SRP19: variants seen among roughly 807,000 people sequenced by gnomAD.
The protein encoded by SRP19 is signal recognition particle 19.
Under a neutral mutation model 22.4 loss-of-function variants are expected in SRP19, and 11 were observed. That is an observed-to-expected ratio of 0.49 (90% CI 0.31 to 0.81). SRP19 has a LOEUF of 0.81. Among genes scored for constraint, SRP19 ranks in the 40% least tolerant of loss-of-function variants. The probability of loss-of-function intolerance (pLI) is 0.05; values close to 1 mark genes in which losing one functional copy is unlikely to be tolerated. For synonymous variants in SRP19, 61 were observed against 57.6 expected, an observed-to-expected ratio of 1.06 and a Z score of -0.27; for missense variants, 168 against 175.9, an observed-to-expected ratio of 0.96 and a Z score of 0.25.
At chr5:112,862,452 T>G in intron 1 of SRP19, 56 bp from the exon 2 acceptor site, 1 of 1,536,444 alleles carries the variant, frequency 6.5e-7, no homozygotes, top group East Asian at 2.3e-5. Context: ...CACCCGACCC[T>G]TTTCTCCTGC....
intron 1 of SRP19, among the ~76,000 whole-genome samples, chr5:112,861,759 T>G (rs922419966): frequency 1.8e-4 from 27 of 152,196 alleles, no homozygotes; most frequent in Admixed American, 1.6e-3. Context: ...AAGGCTCATT[T>G]GTGAAATTTT....
chr5:112,883,667 C>T (rs1051311171), intron 4 of SRP19, among the ~76,000 whole-genome samples: 11 of 152,144 alleles, frequency 7.2e-5, no homozygotes, highest in African/African-American at 2.4e-4. Flanking sequence ...CAGTCCAGAC[C>T]TGTTTCTTGA....
At position 112,892,984 on chromosome 5, in the gene SRP19, C is replaced by T. The variant is rs549024154; in HGVS notation, c.*1377C>T. On this transcript the variant is annotated 3_prime_UTR_variant, in exon 5 of 5. Transcript: ENST00000391338. Reference sequence around the variant, plus strand: ...CCGGAGCCAGAGCCGCAGGAGCCACCGCAGCCGGAGCCAAAGTTCCTCTAG... The same window carrying T: ...CCGGAGCCAGAGCCGCAGGAGCCACTGCAGCCGGAGCCAAAGTTCCTCTAG... The T allele has an allele frequency of 1.3e-5, 20 of 1,584,652 alleles. No homozygotes were observed. In the South Asian group the frequency reaches 1.3e-4, roughly 11 times the overall value.
At position 112,869,023 on chromosome 5, in the gene SRP19, CCTT is replaced by C. The variant is rs1767695598; in HGVS notation, c.*1490_*1492del. 1 of 152,202 alleles carries C rather than the reference CCTT, an allele frequency of 6.6e-6. No homozygotes were observed. Among genetic ancestry groups the C allele is most frequent in the African/African-American group, 2.4e-5 (1 of 41,526 alleles). 9.4% of individuals were successfully genotyped at this position (152,202 alleles called of 1,614,324 possible). ...ATGTGTAAAACATAATTCAGAGCAG[CCTT>C]CTTTGAGAAAGTGGGTGTGTTTGGC... On this transcript the variant is annotated 3_prime_UTR_variant, in exon 5 of 5. Transcript: ENST00000505459.
chr5:112,885,214 TG>T, intron 4 of SRP19: 1 of 165,600 alleles, frequency 6.0e-6, no homozygotes, highest in Non-Finnish European at 1.3e-5. Flanking sequence ...GCTGTGGGGG[TG>T]GGGAGCCCCA....
At chr5:112,893,050 A>G (rs1241910278) in exon 5 of SRP19, 7 of 1,417,814 alleles carry the variant, frequency 4.9e-6, no homozygotes, top group Non-Finnish European at 6.9e-6. Context: ...TAATAGAGAC[A>G]GAACTGTTCA....
At chr5:112,890,310 A>C (rs1463534325) in intron 4 of SRP19, among the ~76,000 whole-genome samples, 1 of 150,300 alleles carries the variant, frequency 6.7e-6, no homozygotes, top group Non-Finnish European at 1.5e-5. Flanking sequence ...AAAAAAGTTG[A>C]TATATAAAAC....
chr5:112,862,084 A>G (rs1158900379), intron 1 of SRP19, among the ~76,000 whole-genome samples: 1 of 152,228 alleles, frequency 6.6e-6, no homozygotes, highest in Non-Finnish European at 1.5e-5. Context: ...GGCGTTTTGA[A>G]TAAGGAATTG....
At chr5:112,891,549 G>C (rs1768448277) in intron 4 of SRP19, 10 of 1,511,402 alleles carry the variant, frequency 6.6e-6, no homozygotes, top group African/African-American at 1.4e-5. Flanking sequence ...ATATTCATAA[G>C]TAGAATCACT....
chr5:112,897,668 G>A (rs1410650756), downstream of SRP19: 2 of 152,180 alleles, frequency 1.3e-5, no homozygotes, highest in Non-Finnish European at 2.9e-5. Flanking sequence ...TTGATGCCAA[G>A]CCATTGGCTC....
chr5:112,881,533 C>G (rs190540820), intron 4 of SRP19, among the ~76,000 whole-genome samples: 2 of 152,290 alleles, frequency 1.3e-5, no homozygotes, highest in Non-Finnish European at 2.9e-5. Flanking sequence ...TGGCTGTGCC[C>G]TGAGGACACT....
chr5:112,867,721 C>G lies in SRP19; in HGVS notation c.*184C>G. 7.6e-7 allele frequency: 1 copy of G among 1,321,684 alleles called. No homozygotes were observed. Among genetic ancestry groups the G allele is most frequent in the Non-Finnish European group, 9.7e-7 (1 of 1,034,602 alleles). The allele number at this position is 1,321,684 out of a possible 1,614,324, so 81.9% of individuals were successfully genotyped here. ...AAATTTACATCAGAAGTTTGCATCT[C>G]GCGTATATGCCGTATAAAAGAATTT... is the stretch of plus-strand genomic sequence containing the variant. On this transcript the variant is annotated 3_prime_UTR_variant, in exon 5 of 5. Coordinates refer to ENST00000505459, the MANE Select transcript of SRP19 (RefSeq NM_003135.3).
chr5:112,866,328 C>A (rs1378257358), intron 4 of SRP19, among the ~76,000 whole-genome samples: 1 of 152,006 alleles, frequency 6.6e-6, no homozygotes, highest in Non-Finnish European at 1.5e-5. Flanking sequence ...CTTGGTCAGG[C>A]TGGTCTCGAA....
chr5:112,861,296 C>G lies in SRP19; in HGVS notation c.-81C>G. ...CTTCCGGCGGAAAAGCGGGCTGTCT[C>G]GGAAACTCAGAGCCGGGTTCCTCCC... On this transcript the variant is annotated 5_prime_UTR_variant, in exon 1 of 5. Transcript: ENST00000505459. 7.1e-6 allele frequency: 11 copies of G among 1,549,682 alleles called. No homozygotes were observed. The highest frequency in any genetic ancestry group is 3.3e-5 in the Admixed American group (2 of 59,950).
downstream of SRP19, among the ~76,000 whole-genome samples, chr5:112,874,364 C>G (rs1026766762): frequency 3.3e-5 from 5 of 151,848 alleles, no homozygotes; most frequent in Admixed American, 6.6e-5. Flanking sequence ...TACTAGGATC[C>G]ATACTAGTAT....
At chr5:112,891,534 A>G (rs1768447229) in intron 4 of SRP19, 1 of 1,477,422 alleles carries the variant, frequency 6.8e-7, no homozygotes, top group African/African-American at 1.4e-5. Flanking sequence ...ACTAGAAAAC[A>G]TAAAATATTC....
chr5:112,889,628 T>TTTAAATATTTAA (rs1768370335), intron 4 of SRP19, among the ~76,000 whole-genome samples: 1 of 150,556 alleles, frequency 6.6e-6, no homozygotes, highest in African/African-American at 2.5e-5. Flanking sequence ...AATATTTAAA[T>TTTAAATATTTAA]GTAAGTCAGA....
intron 4 of SRP19, among the ~76,000 whole-genome samples, chr5:112,880,837 T>C (rs542320140): frequency 1.7e-4 from 26 of 152,120 alleles, no homozygotes; most frequent in Admixed American, 9.8e-4. Context: ...AAAAATAAGC[T>C]GGTAATCCTG....
downstream of SRP19, chr5:112,869,793 C>T (rs1472862603): frequency 6.6e-6 from 1 of 152,336 alleles, no homozygotes; most frequent in Non-Finnish European, 1.5e-5. Flanking sequence ...TCTTGCTGCC[C>T]TGTGAAGGTG....
Sources: allele counts gnomAD v4.1 joint callset (sites outside exome capture counted in the v4.1 genomes callset), GRCh38; gene constraint gnomAD v4.1.1; transcripts MANE v1.5; gene names NCBI Gene and HGNC (gene_info 2026-07-23, HGNC 2026-07-21).